Variants in KIF2A observed in about 807,000 individuals in gnomAD.
The protein encoded by KIF2A is kinesin family member 2A.
A neutral mutation model predicts 100.2 loss-of-function variants in KIF2A; 22 were observed. The observed-to-expected ratio is 0.22, with a 90% CI of 0.16 to 0.31. KIF2A has a LOEUF of 0.31. KIF2A is among the 10% of genes least tolerant of loss of function. The probability of loss-of-function intolerance (pLI) is 1.00; values close to 1 mark genes in which losing one functional copy is unlikely to be tolerated. For synonymous variants in KIF2A, 268 were observed against 285.9 expected (o/e 0.94, Z 0.63); for missense variants, 495 against 898.7 (o/e 0.55, Z 5.74).
chr5:62,383,763 T>G (rs952947814), intron 20 of KIF2A, among the ~76,000 whole-genome samples: 1 of 152,232 alleles, frequency 6.6e-6, no homozygotes, highest in Non-Finnish European at 1.5e-5. Flanking sequence ...TCCATTTTAT[T>G]CAGAAGACAG....
intron 1 of KIF2A, chr5:62,308,170 A>G (rs1003657388): frequency 6.0e-6 from 2 of 332,996 alleles, no homozygotes; most frequent in Non-Finnish European, 1.1e-5. Context: ...GAAAAGATAA[A>G]TTATACCGCT....
rs1742027380 is a variant in KIF2A at position 62,386,413 on chromosome 5, A to G, written c.*844A>G. The G allele has an allele frequency of 6.6e-6, 1 of 152,238 alleles. No homozygotes were observed. The highest frequency in any genetic ancestry group is 1.5e-5 in the Non-Finnish European group (1 of 68,048). The allele number at this position is 152,238 out of a possible 1,614,324, so 9.4% of individuals were successfully genotyped here. ...AGTTTTATCTTAGGAAAATACATAT[A>G]TATGCAGTGTGTGTGCCAGTGTGGT... is the stretch of plus-strand genomic sequence containing the variant. On this transcript the variant is annotated 3_prime_UTR_variant, in exon 21 of 21. Coordinates refer to ENST00000407818, the MANE Select transcript of KIF2A (RefSeq NM_001098511.3).
chr5:62,355,544 C>T (rs544337777), intron 7 of KIF2A, among the ~76,000 whole-genome samples: 1 of 152,322 alleles, frequency 6.6e-6, no homozygotes, highest in South Asian at 2.1e-4. Context: ...AGAAGACTCA[C>T]TTTCCTTTCT....
At chr5:62,336,405 C>A (rs995572455) in intron 1 of KIF2A, among the ~76,000 whole-genome samples, 1 of 152,134 alleles carries the variant, frequency 6.6e-6, no homozygotes. Flanking sequence ...GGGTATTCAG[C>A]CACTGTGCAC....
chr5:62,349,916 A>T (rs1279618445), intron 3 of KIF2A, 150 bp from the exon 4 acceptor site: 1 of 562,386 alleles, frequency 1.8e-6, no homozygotes. Context: ...GATAGCATTA[A>T]TAGTAATTCA....
chr5:62,310,995 C>T (rs1343644745), intron 1 of KIF2A, among the ~76,000 whole-genome samples: 5 of 152,018 alleles, frequency 3.3e-5, no homozygotes, highest in Admixed American at 2.0e-4. Context: ...TCTTTGGGGG[C>T]GGGTCTCTTA....
intron 3 of KIF2A, among the ~76,000 whole-genome samples, chr5:62,349,108 TA>T (rs1270491911): frequency 1.3e-5 from 2 of 152,164 alleles, no homozygotes; most frequent in Non-Finnish European, 2.9e-5. Flanking sequence ...ATACATGGAT[TA>T]TTTTTTATAT....
At chr5:62,345,216 C>T (rs1580052702) in intron 1 of KIF2A, among the ~76,000 whole-genome samples, 2 of 151,884 alleles carry the variant, frequency 1.3e-5, no homozygotes, top group African/African-American at 2.4e-5. Flanking sequence ...GGTGAAACCC[C>T]GTCTCTACTA....
chr5:62,322,826 A>G (rs2111814315), intron 1 of KIF2A, among the ~76,000 whole-genome samples: 1 of 150,606 alleles, frequency 6.6e-6, no homozygotes, highest in African/African-American at 2.4e-5. Flanking sequence ...ATAGCATTTA[A>G]ATGGTAAATA....
intron 1 of KIF2A, among the ~76,000 whole-genome samples, chr5:62,315,686 AAAC>A (rs1214956185): frequency 1.2e-4 from 18 of 152,222 alleles, no homozygotes; most frequent in Non-Finnish European, 1.2e-4. Context: ...AAAGACCTGG[AAAC>A]AGAGGTAAGG....
intron 3 of KIF2A, among the ~76,000 whole-genome samples, chr5:62,349,346 A>T (rs1046011552): frequency 1.3e-5 from 2 of 151,886 alleles, no homozygotes; most frequent in African/African-American, 2.4e-5. Flanking sequence ...CAGTATTTTT[A>T]AAAATACTGA....
At chr5:62,375,591 TGTTA>T (rs559280996) in intron 18 of KIF2A, among the ~76,000 whole-genome samples, 47 of 152,350 alleles carry the variant, frequency 3.1e-4, no homozygotes, top group African/African-American at 9.9e-4. Flanking sequence ...TTGTAAACAA[TGTTA>T]GTTAGTTCTA....
chr5:62,356,389 T>C (rs540379497), intron 7 of KIF2A, among the ~76,000 whole-genome samples: 6 of 152,210 alleles, frequency 3.9e-5, no homozygotes, highest in Non-Finnish European at 7.3e-5. Context: ...CTGAACTCTG[T>C]CATTGTATTG....
At chr5:62,359,211 A>C (rs1392121331) in intron 9 of KIF2A, among the ~76,000 whole-genome samples, 2 of 152,150 alleles carry the variant, frequency 1.3e-5, no homozygotes, top group Admixed American at 1.3e-4. Flanking sequence ...TTTCATACGT[A>C]AGTTTGCAAA....
intron 1 of KIF2A, among the ~76,000 whole-genome samples, chr5:62,329,353 T>A (rs1746530430): frequency 6.6e-6 from 1 of 152,222 alleles, no homozygotes; most frequent in South Asian, 2.1e-4. Flanking sequence ...CTTGTTCCAC[T>A]AAAGCTATTG....
At chr5:62,308,243 G>T in intron 1 of KIF2A, 1 of 839,028 alleles carries the variant, frequency 1.2e-6, no homozygotes, top group Non-Finnish European at 1.7e-6. Context: ...CTTGGGTTGA[G>T]GTTTCTTTTA....
chr5:62,376,769 C>T (rs1741570938), intron 18 of KIF2A, among the ~76,000 whole-genome samples: 1 of 151,804 alleles, frequency 6.6e-6, no homozygotes, highest in Non-Finnish European at 1.5e-5. Context: ...TTTTAATCAT[C>T]ATCTGAACAT....
At chr5:62,318,582 T>G (rs1745946774) in intron 1 of KIF2A, among the ~76,000 whole-genome samples, 1 of 152,218 alleles carries the variant, frequency 6.6e-6, no homozygotes, top group Non-Finnish European at 1.5e-5. Context: ...CATGCTGTTT[T>G]GGGTTTCCAT....
intron 6 of KIF2A, among the ~76,000 whole-genome samples, chr5:62,353,752 G>A (rs1368084089): frequency 6.6e-6 from 1 of 152,052 alleles, no homozygotes; most frequent in Non-Finnish European, 1.5e-5. Context: ...TTTTATTATT[G>A]TTTTTCTATG....
Sources: gnomAD v4.1 joint callset for allele counts (sites outside exome capture counted in the v4.1 genomes callset) on GRCh38, gnomAD v4.1.1 for gene constraint, MANE v1.5 for transcripts, NCBI Gene and HGNC (gene_info 2026-07-23, HGNC 2026-07-21) for gene names.